LONRF2: variants seen among roughly 807,000 people sequenced by gnomAD.
The protein encoded by LONRF2 is LON peptidase N-terminal domain and ring finger 2.
Under a neutral mutation model 66.6 loss-of-function variants are expected in LONRF2, and 35 were observed. The ratio of observed to expected loss-of-function variants is 0.53; its 90% confidence interval spans 0.40 to 0.70. The LOEUF is 0.70. LONRF2 is among the 30% of genes least tolerant of loss of function. The probability of loss-of-function intolerance (pLI) is 0.00; values close to 1 mark genes in which losing one functional copy is unlikely to be tolerated. For missense variants in LONRF2, 902 were observed against 1,002.1 expected (o/e 0.90, Z 1.35); for synonymous variants, 417 against 418.1 (o/e 1.00, Z 0.03).
At chr2:100,305,228 A>G (rs1220649112) in intron 2 of LONRF2, among the ~76,000 whole-genome samples, 1 of 152,048 alleles carries the variant, frequency 6.6e-6, no homozygotes, top group Non-Finnish European at 1.5e-5. Flanking sequence ...CCCACACACA[A>G]TTCTTTTCCT....
intron 1 of LONRF2, among the ~76,000 whole-genome samples, chr2:100,310,855 G>A (rs28485289): frequency 0.084 from 12,829 of 152,102 alleles, 1,738 homozygotes; most frequent in African/African-American, 0.29. Context: ...TCTTATTGAC[G>A]CAATTTAAAA....
chr2:100,287,054 G>A lies in LONRF2; in HGVS notation c.1930C>T (p.Pro644Ser). The change falls in exon 11 of 12, where the codon CCA becomes TCA. Residue 644 changes from proline to serine, a missense_variant. Around this residue, in one of 2 missense-constraint regions of LONRF2, gnomAD observed 317 missense variants for 432.2 expected, o/e 0.73. Transcript: ENST00000393437. Reference sequence around the variant, plus strand: ...AGAGCGGCAAGTTCTTCATACTCTGGACCCTCCACCTGATCAGGGAAAGAG... The same window carrying A: ...AGAGCGGCAAGTTCTTCATACTCTGAACCCTCCACCTGATCAGGGAAAGAG... ...EYLEDEKVEG[P>S]EYEELAALHD... The A allele has an allele frequency of 6.2e-7, 1 of 1,613,718 alleles. No homozygotes were observed.
chr2:100,288,123 C>T (rs558746801), intron 10 of LONRF2, among the ~76,000 whole-genome samples: 11 of 152,210 alleles, frequency 7.2e-5, no homozygotes, highest in Non-Finnish European at 1.3e-4. Flanking sequence ...TCTACAACAA[C>T]GGTCAATAAA....
intron 9 of LONRF2, among the ~76,000 whole-genome samples, chr2:100,291,464 A>C (rs1674958424): frequency 6.6e-6 from 1 of 151,784 alleles, no homozygotes; most frequent in African/African-American, 2.4e-5. Flanking sequence ...CCTCATTCCA[A>C]TTCTGCCAGC....
intron 10 of LONRF2, 36 bp downstream of exon 10, chr2:100,290,222 G>T: frequency 1.9e-6 from 3 of 1,569,208 alleles, no homozygotes; most frequent in Non-Finnish European, 8.7e-7. Flanking sequence ...CGAGAGGACC[G>T]ACTGCTATAA....
chr2:100,287,589 G>A (rs915758502), intron 10 of LONRF2, among the ~76,000 whole-genome samples: 5 of 152,136 alleles, frequency 3.3e-5, no homozygotes, highest in African/African-American at 1.2e-4. Context: ...ATTCCTAAAG[G>A]CACGACAGGG....
chr2:100,290,665 C>T (rs755377340), intron 9 of LONRF2, among the ~76,000 whole-genome samples: 2 of 152,122 alleles, frequency 1.3e-5, no homozygotes, highest in African/African-American at 2.4e-5. Flanking sequence ...TGTGCCTTAG[C>T]GGTTCCAACG....
At chr2:100,294,786 T>G (rs1260381663) in intron 8 of LONRF2, among the ~76,000 whole-genome samples, 3 of 152,180 alleles carry the variant, frequency 2.0e-5, no homozygotes, top group Non-Finnish European at 2.9e-5. Context: ...AGATGAAAAC[T>G]GTCAAGCCTG....
intron 7 of LONRF2, among the ~76,000 whole-genome samples, chr2:100,298,001 A>G (rs574322876): frequency 2.0e-5 from 3 of 152,278 alleles, no homozygotes; most frequent in African/African-American, 7.2e-5. Flanking sequence ...AAAAAACTTT[A>G]TCCTACTTAA....
rs1356408964 is a variant in LONRF2 at position 100,322,090 on chromosome 2, T to G, written c.4A>C (p.Ser2Arg). The change falls in exon 1 of 12, where the codon AGC becomes CGC. Residue 2 changes from serine to arginine, a missense_variant. Around this residue, in one of 2 missense-constraint regions of LONRF2, gnomAD observed 585 missense variants for 569.9 expected, o/e 1.03. Coordinates refer to ENST00000393437, the MANE Select transcript of LONRF2 (RefSeq NM_198461.4). ...GGCGGCGGCGGGACCGGCTCGGGGC[T>G]CATCACCGCGGGGCTGCGACGACGC... is the stretch of plus-strand genomic sequence containing the variant. M[S>R]PEPVPPPPPP... 4.5e-5 allele frequency: 57 copies of G among 1,270,928 alleles called. No homozygotes were observed. The highest frequency in any genetic ancestry group is 4.9e-5 in the Non-Finnish European group (50 of 1,010,502). 78.7% of individuals were successfully genotyped at this position (1,270,928 alleles called of 1,614,324 possible).
At chr2:100,297,504 T>A (rs2105723069) in intron 7 of LONRF2, among the ~76,000 whole-genome samples, 1 of 152,294 alleles carries the variant, frequency 6.6e-6, no homozygotes, top group East Asian at 1.9e-4. Flanking sequence ...CAAGGCAGCA[T>A]CGAAACAGAA....
In LONRF2 at chr2:100,279,952, CCTT is replaced by C. The variant is rs1674678925; in HGVS notation, c.*4343_*4345del. 1 of 152,366 alleles carries C rather than the reference CCTT, an allele frequency of 6.6e-6. No homozygotes were observed. The highest frequency in any genetic ancestry group is 2.4e-5 in the African/African-American group (1 of 41,584). 9.4% of individuals were successfully genotyped at this position (152,366 alleles called of 1,614,324 possible). ...GCCCGGTGTGGTCTGCTGGGCCTCT[CCTT>C]CTTTCATTTCTGTAGGAATTGTGAG... On this transcript the variant is annotated 3_prime_UTR_variant, in exon 12 of 12. Transcript: ENST00000393437.
At chr2:100,310,569 C>T (rs965128789) in intron 1 of LONRF2, among the ~76,000 whole-genome samples, 1 of 152,088 alleles carries the variant, frequency 6.6e-6, no homozygotes, top group Admixed American at 6.5e-5. Flanking sequence ...AAAGTAACTA[C>T]TTATAAATGT....
intron 7 of LONRF2, 91 bp from the exon 8 acceptor site, chr2:100,295,644 G>T: frequency 7.5e-7 from 1 of 1,341,894 alleles, no homozygotes; most frequent in Non-Finnish European, 1.0e-6. Context: ...GAGGTGGTGG[G>T]TGGGATCTCT....
chr2:100,292,938 CATACA>C (rs1674991867), intron 9 of LONRF2, among the ~76,000 whole-genome samples: 1 of 152,184 alleles, frequency 6.6e-6, no homozygotes, highest in African/African-American at 2.4e-5. Context: ...TGTCTTTTCT[CATACA>C]ATTGTCTATA....
rs1173940670 is a variant in LONRF2, at chr2:100,274,120, C to T, written c.*10178G>A. The T allele has an allele frequency of 2.6e-5, 4 of 152,194 alleles. No homozygotes were observed. Among genetic ancestry groups the T allele is most frequent in the African/African-American group, 9.7e-5 (4 of 41,442 alleles). 9.4% of individuals were successfully genotyped at this position (152,194 alleles called of 1,614,324 possible). A position where few individuals can be genotyped will look rare whatever the true frequency, so the allele number is the denominator to read the frequency against. On this transcript the variant is annotated 3_prime_UTR_variant, in exon 12 of 12. Transcript: ENST00000393437. ...TCATGTTGCAAACTCCATCTTCATC[C>T]TTCAAAGGTCACATGCGCCAACCAG...
intron 3 of LONRF2, among the ~76,000 whole-genome samples, chr2:100,301,814 T>C (rs1369259084): frequency 6.6e-6 from 1 of 152,242 alleles, no homozygotes; most frequent in Non-Finnish European, 1.5e-5. Context: ...TCAGTTGAGA[T>C]ATGTTTTAAG....
At chr2:100,284,914 G>A (rs1477541236) in intron 11 of LONRF2, among the ~76,000 whole-genome samples, 1 of 152,184 alleles carries the variant, frequency 6.6e-6, no homozygotes, top group African/African-American at 2.4e-5. Context: ...ACAAGTTTGA[G>A]TGACATACTC....
rs1674695538 is a variant in LONRF2, at chr2:100,280,590, A to G, written c.*3708T>C. 1 of 152,036 alleles carries G rather than the reference A, an allele frequency of 6.6e-6. No homozygotes were observed. Among genetic ancestry groups the G allele is most frequent in the Admixed American group, 6.6e-5 (1 of 15,254 alleles). The allele number at this position is 152,036 out of a possible 1,614,324, so 9.4% of individuals were successfully genotyped here. ...GGAGTTCGAGACCAGCCTGACCAAC[A>G]TGGTGAAACCCCATCTCTACTAAAA... is the stretch of plus-strand genomic sequence containing the variant. On this transcript the variant is annotated 3_prime_UTR_variant, in exon 12 of 12. Coordinates refer to ENST00000393437, the MANE Select transcript of LONRF2 (RefSeq NM_198461.4).
Sources: gnomAD v4.1 joint callset for allele counts (sites outside exome capture counted in the v4.1 genomes callset) on GRCh38, gnomAD v4.1.1 for gene constraint, gnomAD v4.1.1 regional missense constraint, MANE v1.5 for transcripts, NCBI Gene and HGNC (gene_info 2026-07-23, HGNC 2026-07-21) for gene names.